SFSWAP: variants seen among roughly 807,000 people sequenced by gnomAD.
The protein encoded by SFSWAP is splicing factor, suppressor of white-apricot homolog.
Under a neutral mutation model 100.7 loss-of-function variants are expected in SFSWAP, and 17 were observed. The ratio of observed to expected loss-of-function variants is 0.17; its 90% CI spans 0.12 to 0.25. The LOEUF (loss-of-function observed/expected upper bound fraction) is 0.25, where lower values mean the gene tolerates loss of function less well. Ranked by LOEUF, SFSWAP falls within the 10% of genes least tolerant of loss-of-function variation. SFSWAP has a pLI of 1.00. For synonymous variants in SFSWAP, 504 were observed against 510.1 expected (o/e 0.99, Z 0.16); for missense variants, 1,005 against 1,262.6 (o/e 0.80, Z 3.09).
intron 13 of SFSWAP, among the ~76,000 whole-genome samples, chr12:131,773,332 T>C (rs1883764881): frequency 6.6e-6 from 1 of 152,160 alleles, no homozygotes; most frequent in African/African-American, 2.4e-5. Context: ...TTTCTTAGAT[T>C]CCACAAATTT....
At chr12:131,741,736 C>G (rs566334802) in intron 7 of SFSWAP, among the ~76,000 whole-genome samples, 3 of 152,078 alleles carry the variant, frequency 2.0e-5, no homozygotes, top group Admixed American at 6.5e-5. Context: ...CAGCCTCCCC[C>G]TCTGTTGCAT....
At chr12:131,738,849 T>C (rs1174830151) in intron 7 of SFSWAP, among the ~76,000 whole-genome samples, 1 of 150,074 alleles carries the variant, frequency 6.7e-6, no homozygotes, top group African/African-American at 2.4e-5. Flanking sequence ...GACTTCCAAT[T>C]ATTTCTACTT....
At position 131,778,023 on chromosome 12, in the gene SFSWAP, CT is replaced by C; in HGVS notation, c.2143-41del. 5 of 1,576,602 alleles carry C rather than the reference CT, an allele frequency of 3.2e-6. No homozygotes were observed. The highest frequency in any genetic ancestry group is 4.3e-6 in the Non-Finnish European group (5 of 1,167,044). ...TTTATAGATATACATCTTCAATGTT[CT>C]GTTTTCCCTGTTAACACCCAGATTT... On this transcript the variant is annotated intron_variant, in intron 13 of 17. Coordinates refer to ENST00000261674, the MANE Select transcript of SFSWAP (RefSeq NM_004592.4). This position sits in a 1 kb window ranked among gnomAD's most constrained non-coding sequence, Gnocchi z 4.2.
In SFSWAP at chr12:131,755,493, T is replaced by C; in HGVS notation, c.1548+14T>C. On this transcript the variant is annotated intron_variant, in intron 10 of 17. Transcript: ENST00000261674. ...GATAGCATGCAGGTACGTGTCTGAA[T>C]GCAGGGAGGCTGTGAAGCTCTTAGA... The C allele has an allele frequency of 6.3e-7, 1 of 1,588,604 alleles. No homozygotes were observed.
intron 7 of SFSWAP, among the ~76,000 whole-genome samples, chr12:131,736,073 C>T (rs1274075046): frequency 6.6e-6 from 1 of 152,202 alleles, no homozygotes; most frequent in Non-Finnish European, 1.5e-5. Context: ...ACCAGTCCAG[C>T]CAGGGAGCTT....
Position 131,756,513 on chromosome 12 carries a change from C to T in SFSWAP, c.1589C>T (p.Pro530Leu). 6.2e-7 allele frequency: 1 copy of T among 1,614,062 alleles called. No individual in the cohort carries two copies. Among genetic ancestry groups the T allele is most frequent in the Non-Finnish European group, 8.5e-7 (1 of 1,180,024 alleles). Reference sequence around the variant, plus strand: ...GAAGAGGCTCCCACAGACTCTGCTCCCGAGAAGCCAAGTGATGCTGGGGAG... The same window carrying T: ...GAAGAGGCTCCCACAGACTCTGCTCTCGAGAAGCCAAGTGATGCTGGGGAG... ...APEEAPTDSA[P>L]EKPSDAGEDG... Residue 530 changes from proline to leucine, a missense_variant, in exon 11 of 18, where the codon CCC (proline) becomes CTC (leucine). Coordinates refer to ENST00000261674, the MANE Select transcript of SFSWAP (RefSeq NM_004592.4).
chr12:131,771,878 G>A (rs1036162905), intron 13 of SFSWAP, among the ~76,000 whole-genome samples: 8 of 152,022 alleles, frequency 5.3e-5, no homozygotes, highest in African/African-American at 1.9e-4. Flanking sequence ...GGCCAGGATG[G>A]TCTCAATCTC....
At chr12:131,751,279 CGTTTT>C (rs1015229728) in intron 7 of SFSWAP, among the ~76,000 whole-genome samples, 2 of 152,122 alleles carry the variant, frequency 1.3e-5, no homozygotes, top group Admixed American at 6.5e-5. Flanking sequence ...AATTATAAAC[CGTTTT>C]GTTTTGTTTG....
intron 13 of SFSWAP, among the ~76,000 whole-genome samples, chr12:131,771,799 A>C (rs1257983313): frequency 6.6e-6 from 1 of 151,834 alleles, no homozygotes; most frequent in Non-Finnish European, 1.5e-5. Flanking sequence ...AGTAGCTGGG[A>C]CTATAGGCGG....
intron 11 of SFSWAP, among the ~76,000 whole-genome samples, chr12:131,763,596 T>G (rs1882854669): frequency 6.6e-6 from 1 of 152,166 alleles, no homozygotes; most frequent in African/African-American, 2.4e-5. Flanking sequence ...TCTGTCACGC[T>G]GGGTTTGACA....
chr12:131,732,846 T>G (rs1188116159), intron 7 of SFSWAP, among the ~76,000 whole-genome samples: 2 of 152,200 alleles, frequency 1.3e-5, no homozygotes, highest in African/African-American at 4.8e-5. Context: ...TCTAGTAGGA[T>G]ACTAGAGAGA....
intron 1 of SFSWAP, chr12:131,713,320 T>A (rs542671750): frequency 1.3e-5 from 2 of 152,326 alleles, no homozygotes; most frequent in East Asian, 3.9e-4. Flanking sequence ...TACTGTTTGG[T>A]CCATGCAAGA....
Position 131,725,511 on chromosome 12 carries a change from C to G in SFSWAP, c.713C>G (p.Ser238Cys). Residue 238 changes from serine (S) to cysteine (C), a missense_variant, in exon 5 of 18, where the codon TCC becomes TGC. This residue lies in a region of SFSWAP where 237 missense variants were observed against 337.0 expected (regional missense o/e 0.70). Coordinates refer to ENST00000261674, the MANE Select transcript of SFSWAP (RefSeq NM_004592.4). This position sits in a 1 kb window ranked among gnomAD's most constrained non-coding sequence, Gnocchi z 4.3. ...CTGAAGGCCAAGCAGGCCCGGAACTCCCAGTTTGACTTTCTGCGCTTCGAC... is the reference window on the plus strand; with the variant it reads ...CTGAAGGCCAAGCAGGCCCGGAACTGCCAGTTTGACTTTCTGCGCTTCGAC... The part of the protein sequence containing the change: ...IMLKAKQARN[S>C]QFDFLRFDHY... 6.2e-7 allele frequency: 1 copy of G among 1,614,154 alleles called. No individual in the cohort carries two copies. Among genetic ancestry groups the G allele is most frequent in the African/African-American group, 1.3e-5 (1 of 75,026 alleles).
intron 7 of SFSWAP, among the ~76,000 whole-genome samples, chr12:131,731,901 C>CTTTTTTT (rs755819493): frequency 2.0e-4 from 11 of 55,304 alleles, no homozygotes; most frequent in Admixed American, 2.4e-4. Flanking sequence ...TACTATTTTA[C>CTTTTTTT]TTTTTTTTTT....
chr12:131,796,163 TG>T (rs1187704456), intron 15 of SFSWAP: 1 of 152,316 alleles, frequency 6.6e-6, no homozygotes, highest in Non-Finnish European at 1.5e-5. Flanking sequence ...CTGCAGCGTC[TG>T]TTACAGACGA....
At chr12:131,717,425 G>C (rs1456172700) in intron 3 of SFSWAP, among the ~76,000 whole-genome samples, 1 of 151,986 alleles carries the variant, frequency 6.6e-6, no homozygotes, top group African/African-American at 2.4e-5. Context: ...AATGGGGCGG[G>C]GACAGGCCCT....
chr12:131,751,147 G>A (rs191700454), intron 7 of SFSWAP, among the ~76,000 whole-genome samples: 2 of 152,314 alleles, frequency 1.3e-5, no homozygotes, highest in Admixed American at 1.3e-4. Context: ...AAGGAATGGC[G>A]CTCAGCTTTG....
intron 4 of SFSWAP, among the ~76,000 whole-genome samples, chr12:131,723,033 C>T (rs1406388806): frequency 6.6e-6 from 1 of 152,160 alleles, no homozygotes; most frequent in African/African-American, 2.4e-5. Context: ...AGAGTAACTG[C>T]CCTAAGTTAC....
rs1877704446 is a variant in SFSWAP at position 131,714,583 on chromosome 12, T to C, written c.389-239T>C. 2 of 525,148 alleles carry C rather than the reference T, an allele frequency of 3.8e-6. No individual in the cohort carries two copies. The highest frequency in any genetic ancestry group is 6.5e-5 in the Admixed American group (2 of 30,998). 32.5% of individuals were successfully genotyped at this position (525,148 alleles called of 1,614,324 possible). ...AATACAGTTCTTAATCCCAAAATTTTCTCAGCAGGAAGAAATTTTCCACAA... is the reference window on the plus strand; with the variant it reads ...AATACAGTTCTTAATCCCAAAATTTCCTCAGCAGGAAGAAATTTTCCACAA... On this transcript the variant is annotated intron_variant, in intron 2 of 17. Coordinates refer to ENST00000261674, the MANE Select transcript of SFSWAP (RefSeq NM_004592.4). The surrounding 1 kb of genome is among the most constrained non-coding windows in gnomAD (Gnocchi z 6.0).
Sources: gnomAD v4.1 joint callset for allele counts (sites outside exome capture counted in the v4.1 genomes callset) on GRCh38, gnomAD v4.1.1 for gene constraint, gnomAD v4.1.1 regional missense constraint, Gnocchi (gnomAD v3.1) non-coding constraint, MANE v1.5 for transcripts, NCBI Gene and HGNC (gene_info 2026-07-23, HGNC 2026-07-21) for gene names.